The following PSMD1 variants were observed in gnomAD, a reference collection of about 807,000 sequenced individuals.
The protein encoded by PSMD1 is proteasome 26S subunit, non-ATPase 1.
In PSMD1, 18 loss-of-function variants were observed where a neutral mutation model predicts 119.0. That is an observed-to-expected ratio of 0.15 (90% CI 0.10 to 0.22). The LOEUF (loss-of-function observed/expected upper bound fraction) is 0.22. PSMD1 is among the 10% of genes least tolerant of loss of function. The pLI, the probability that PSMD1 is intolerant of heterozygous loss-of-function variation, is 1.00. For synonymous variants in PSMD1, 374 were observed against 396.6 expected, an observed-to-expected ratio of 0.94 and a Z score of 0.68; for missense variants, 702 against 1,158.5, an observed-to-expected ratio of 0.61 and a Z score of 5.72.
Position 231,067,099 on chromosome 2 carries a change from C to G in PSMD1, c.498C>G (p.Thr166=), listed in dbSNP as rs1693926510. Reference sequence around the variant, plus strand: ...GAAGACTGGACGTCTTTGAAAAGACCATACTGGAGTCGGTAGGTAGATGAT... The same window carrying G: ...GAAGACTGGACGTCTTTGAAAAGACGATACTGGAGTCGGTAGGTAGATGAT... ...ETRRLDVFEK[T]ILESNDVPGM... The change falls in exon 5 of 25, where the codon ACC becomes ACG. Residue 166 remains threonine, a synonymous_variant. Coordinates refer to ENST00000308696, the MANE Select transcript of PSMD1 (RefSeq NM_002807.4). The G allele has an allele frequency of 6.3e-7, 1 of 1,594,618 alleles. No individual in the cohort carries two copies. The highest frequency in any genetic ancestry group is 8.5e-7 in the Non-Finnish European group (1 of 1,174,102).
At chr2:231,090,448 A>G (rs562155387) in intron 16 of PSMD1, among the ~76,000 whole-genome samples, 2 of 152,324 alleles carry the variant, frequency 1.3e-5, no homozygotes, top group Non-Finnish European at 2.9e-5. Context: ...AATCCCAGCT[A>G]CTCAGGAGGC....
chr2:231,162,232 T>A (rs1385308431), intron 20 of PSMD1, among the ~76,000 whole-genome samples: 2 of 152,258 alleles, frequency 1.3e-5, no homozygotes, highest in Non-Finnish European at 2.9e-5. Flanking sequence ...TTCTTGTTCT[T>A]TAAAAGTCAA....
At chr2:231,076,984 A>T (rs1574711025) in intron 8 of PSMD1, 50 bp from the exon 9 acceptor site, 2 of 1,536,746 alleles carry the variant, frequency 1.3e-6, no homozygotes, top group Middle Eastern at 3.8e-4. Flanking sequence ...TTACTGGATT[A>T]TAGTAATACT....
Position 231,057,109 on chromosome 2 carries a change from G to C in PSMD1, c.16+68G>C, listed in dbSNP as rs1452143300. On this transcript the variant is annotated intron_variant, in intron 1 of 24. Coordinates refer to ENST00000308696, the MANE Select transcript of PSMD1 (RefSeq NM_002807.4). ...GCCGCGCCGGCTTTTAGCTGAGTCA[G>C]GGCCGGTGACTGGGCGCCTCCCGGC... is the stretch of plus-strand genomic sequence containing the variant. 3.5e-6 allele frequency: 5 copies of C among 1,430,636 alleles called. No individual in the cohort carries two copies. In the Admixed American group the frequency reaches 8.7e-5, roughly 25 times the overall value. 88.6% of individuals were successfully genotyped at this position (1,430,636 alleles called of 1,614,324 possible). A position where few individuals can be genotyped will look rare whatever the true frequency, so the allele number is the denominator to read the frequency against.
In PSMD1 at chr2:231,109,317, C is replaced by T. The variant is rs771946699; in HGVS notation, c.1883+22136C>T. The stretch of plus-strand genomic sequence containing the variant: ...GCCAGTGAGCCAAAGAGCATGAAAT[C>T]GCCAAAACGTTCCTTTGTCAGCACA... On this transcript the variant is annotated intron_variant, in intron 16 of 24. Transcript: ENST00000308696. The T allele has an allele frequency of 1.0e-4, 168 of 1,614,006 alleles. 3 individuals carry two copies. In the South Asian group the frequency reaches 1.6e-3, roughly 15 times the overall value.
At position 231,159,477 on chromosome 2, in the gene PSMD1, G is replaced by C. The variant is rs138978892; in HGVS notation, c.2219-1863G>C. Among the ~76,000 whole-genome samples, 1,111 of 152,258 alleles carry C rather than the reference G, an allele frequency of 7.3e-3. 22 individuals carry two copies. The highest frequency in any genetic ancestry group is 0.026 in the African/African-American group (1,067 of 41,542). ...TCAGTTTTAAAAACAAAATGACCTA[G>C]TAATCCTGGACCTACACCCCCAGTA... is the stretch of plus-strand genomic sequence containing the variant. On this transcript the variant is annotated intron_variant, in intron 19 of 24. Coordinates refer to ENST00000308696, the MANE Select transcript of PSMD1 (RefSeq NM_002807.4).
intron 7 of PSMD1, 30 bp downstream of exon 7, chr2:231,072,445 A>C (rs1270111676): frequency 6.6e-7 from 1 of 1,515,934 alleles, no homozygotes; most frequent in African/African-American, 1.4e-5. Context: ...CATCAAAACT[A>C]ATTGAATAAT....
In PSMD1 at chr2:231,136,225, A is replaced by G. The variant is rs549142827; in HGVS notation, c.1884-2511A>G. ...TATATTCAGTGTAGGATTTCGGTTC[A>G]CTTTAGTATTTTTAAAAGAAAGTAG... On this transcript the variant is annotated intron_variant, in intron 16 of 24. Transcript: ENST00000308696. Among the ~76,000 whole-genome samples, 9 of 152,286 alleles carry G rather than the reference A, an allele frequency of 5.9e-5. No homozygotes were observed. In the East Asian group the frequency reaches 1.7e-3, roughly 29 times the overall value.
intron 17 of PSMD1, among the ~76,000 whole-genome samples, chr2:231,141,231 G>T (rs1482278457): frequency 6.6e-6 from 1 of 151,812 alleles, no homozygotes; most frequent in Admixed American, 6.6e-5. Flanking sequence ...AACCCAGGAG[G>T]CAGAGGTTGC....
intron 21 of PSMD1, 160 bp from the exon 22 acceptor site, chr2:231,165,029 TATATTTATATA>T (rs1696731664): frequency 4.1e-5 from 1 of 24,648 alleles, no homozygotes; most frequent in African/African-American, 4.2e-4. Flanking sequence ...TTGATTTATA[TATATTTATATA>T]TATATATATA....
chr2:231,120,310 A>G (rs532348590), intron 16 of PSMD1, among the ~76,000 whole-genome samples: 1 of 152,210 alleles, frequency 6.6e-6, no homozygotes, highest in South Asian at 2.1e-4. Context: ...GAAGCTCTTA[A>G]ATGGTGAACA....
chr2:231,085,098 G>A lies in PSMD1; in HGVS notation c.1802G>A (p.Arg601His), dbSNP rs760379532. 5.0e-6 allele frequency: 8 copies of A among 1,613,526 alleles called. No homozygotes were observed. Among genetic ancestry groups the A allele is most frequent in the South Asian group, 1.1e-5 (1 of 91,072 alleles). Reference sequence around the variant, plus strand: ...TCTGGTAACAACAAAGCAATTCGACGCCTGCTACATGTTGCTGTAAGTACT... The same window carrying A: ...TCTGGTAACAACAAAGCAATTCGACACCTGCTACATGTTGCTGTAAGTACT... ...CGSGNNKAIR[R>H]LLHVAVSDVN... The change falls in exon 15 of 25, where the codon CGC becomes CAC. Residue 601 changes from arginine (R) to histidine (H), a missense_variant. Transcript: ENST00000308696.
At chr2:231,074,156 G>A (rs1239463179) in intron 7 of PSMD1, among the ~76,000 whole-genome samples, 1 of 152,122 alleles carries the variant, frequency 6.6e-6, no homozygotes, top group Admixed American at 6.5e-5. Context: ...CTAGTCTGTA[G>A]TACAGTGGCA....
At chr2:231,109,224 T>C (rs1695073439) in intron 16 of PSMD1, 2 of 1,614,092 alleles carry the variant, frequency 1.2e-6, no homozygotes, top group Non-Finnish European at 1.7e-6. Flanking sequence ...AAGTAAGCCT[T>C]CTTCTGTAAA....
chr2:231,098,037 G>C (rs1694767226), intron 16 of PSMD1, among the ~76,000 whole-genome samples: 1 of 152,236 alleles, frequency 6.6e-6, no homozygotes, highest in Admixed American at 6.5e-5. Flanking sequence ...TGAGAGACAT[G>C]AATTGAACTT....
At chr2:231,084,211 G>T (rs1476910481) in intron 14 of PSMD1, among the ~76,000 whole-genome samples, 1 of 152,032 alleles carries the variant, frequency 6.6e-6, no homozygotes, top group Admixed American at 6.6e-5. Context: ...AATTAGCCAG[G>T]CTTGGTGGCG....
intron 17 of PSMD1, among the ~76,000 whole-genome samples, chr2:231,144,619 G>A (rs933223998): frequency 2.0e-5 from 3 of 151,352 alleles, no homozygotes; most frequent in African/African-American, 7.3e-5. Flanking sequence ...TTACCATGTT[G>A]GCCAGGCTGG....
chr2:231,138,509 T>C (rs1196566077), intron 16 of PSMD1, among the ~76,000 whole-genome samples: 2 of 152,242 alleles, frequency 1.3e-5, no homozygotes, highest in Non-Finnish European at 2.9e-5. Flanking sequence ...GACTCACTTA[T>C]ACTGAGAAAG....
intron 16 of PSMD1, among the ~76,000 whole-genome samples, chr2:231,097,094 A>G (rs1405718213): frequency 1.3e-5 from 2 of 152,172 alleles, no homozygotes; most frequent in African/African-American, 2.4e-5. Context: ...ACTTTTTTAC[A>G]AGTCTTGGCT....
Sources: gnomAD v4.1 joint callset for allele counts (sites outside exome capture counted in the v4.1 genomes callset) on GRCh38, gnomAD v4.1.1 for gene constraint, MANE v1.5 for transcripts, NCBI Gene and HGNC (gene_info 2026-07-23, HGNC 2026-07-21) for gene names.